Variants in AP3S2 observed in about 807,000 individuals in gnomAD.
The protein encoded by AP3S2 is AP-3 complex subunit sigma-2.
AP3S2 carries 22 observed loss-of-function variants against 23.4 expected under a neutral mutation model. The observed-to-expected ratio is 0.94, with a 90% CI of 0.67 to 1.34. The LOEUF is 1.34. Ranked by LOEUF, AP3S2 falls within the 40% of genes most tolerant of loss-of-function variation. AP3S2 has a pLI of 0.00. For missense variants in AP3S2, 241 were observed against 236.9 expected (o/e 1.02, Z -0.11); for synonymous variants, 86 against 87.1 (o/e 0.99, Z 0.07).
At chr15:89,847,095 G>A (rs1037878024) in intron 4 of AP3S2, among the ~76,000 whole-genome samples, 8 of 152,032 alleles carry the variant, frequency 5.3e-5, no homozygotes, top group African/African-American at 1.9e-4. Flanking sequence ...AGTAGATTAA[G>A]ACCAGGCATA....
chr15:89,882,490 C>T (rs567884163), intron 3 of AP3S2, among the ~76,000 whole-genome samples: 22 of 151,842 alleles, frequency 1.4e-4, no homozygotes, highest in African/African-American at 4.8e-4. Context: ...TGAGTAGCTA[C>T]GATTACAGGC....
At chr15:89,866,347 G>A (rs1896120447) in intron 4 of AP3S2, among the ~76,000 whole-genome samples, 1 of 151,758 alleles carries the variant, frequency 6.6e-6, no homozygotes, top group Non-Finnish European at 1.5e-5. Context: ...GGGTTGGGAG[G>A]CTACCCCTTC....
intron 4 of AP3S2, among the ~76,000 whole-genome samples, chr15:89,858,520 AGAG>A (rs1895915952): frequency 6.1e-4 from 28 of 46,058 alleles, no homozygotes; most frequent in African/African-American, 7.9e-4. Context: ...AGAGAGAGAG[AGAG>A]AGAAAGAAAG....
intron 4 of AP3S2, among the ~76,000 whole-genome samples, chr15:89,849,430 G>T (rs541332290): frequency 1.9e-4 from 29 of 151,868 alleles, no homozygotes; most frequent in Admixed American, 1.4e-3. Flanking sequence ...GCAGTGGCAC[G>T]ATCTAGGCTT....
In AP3S2 at chr15:89,862,485, G is replaced by A. The variant is rs77105016; in HGVS notation, c.345+8990C>T. On this transcript the variant is annotated intron_variant, in intron 4 of 5. Coordinates refer to ENST00000336418, the MANE Select transcript of AP3S2 (RefSeq NM_005829.5). Reference sequence around the variant, plus strand: ...ATGTCTGCAACTAATTCTCAAAATCGTTCAGGAAAAAAAGTATATATGTAT... The same window carrying A: ...ATGTCTGCAACTAATTCTCAAAATCATTCAGGAAAAAAAGTATATATGTAT... Among the ~76,000 whole-genome samples the A allele has an allele frequency of 7.6e-3, 1,163 of 152,132 alleles. 20 individuals carry two copies. The East Asian group carries it at 0.086, about 11-fold the overall frequency.
chr15:89,853,460 CT>C (rs1285324838), intron 4 of AP3S2, among the ~76,000 whole-genome samples: 1 of 152,150 alleles, frequency 6.6e-6, no homozygotes, highest in Non-Finnish European at 1.5e-5. Context: ...TAAGAAAAAT[CT>C]TGATTTGAGA....
rs868525369 is a variant in AP3S2 at position 89,846,613 on chromosome 15, G to A, written c.346-8891C>T. ...GCGATCTCGGCTCACTGCAACATCCGCCTCCCGGGTTCAAGCAATTCTCCT... is the reference window on the plus strand; with the variant it reads ...GCGATCTCGGCTCACTGCAACATCCACCTCCCGGGTTCAAGCAATTCTCCT... On this transcript the variant is annotated intron_variant, in intron 4 of 5. Coordinates refer to ENST00000336418, the MANE Select transcript of AP3S2 (RefSeq NM_005829.5). Among the ~76,000 whole-genome samples the A allele has an allele frequency of 3.0e-4, 46 of 151,632 alleles. 1 individual carries two copies. Among genetic ancestry groups the A allele is most frequent in the African/African-American group, 9.2e-4 (38 of 41,290 alleles).
rs1895160525 is a variant in AP3S2 at position 89,835,261 on chromosome 15, G to A, written c.*254C>T. On this transcript the variant is annotated 3_prime_UTR_variant, in exon 6 of 6. Coordinates refer to ENST00000336418, the MANE Select transcript of AP3S2 (RefSeq NM_005829.5). ...TGTTGACTCCCTACTGAGGAAGGCA[G>A]GGCCCCTCACATCTGCAGTGGCCGT... 3.6e-6 allele frequency: 2 copies of A among 555,368 alleles called. No individual in the cohort carries two copies. The highest frequency in any genetic ancestry group is 3.0e-5 in the East Asian group (1 of 33,002). 34.4% of individuals were successfully genotyped at this position (555,368 alleles called of 1,614,324 possible). A position where few individuals can be genotyped will look rare whatever the true frequency, so the allele number is the denominator to read the frequency against.
intron 4 of AP3S2, among the ~76,000 whole-genome samples, chr15:89,867,624 C>G (rs9717573): frequency 7.6e-6 from 1 of 131,852 alleles, no homozygotes; most frequent in Non-Finnish European, 1.6e-5. Flanking sequence ...TCTGCCCGGC[C>G]GCCCATCGTC....
Position 89,869,057 on chromosome 15 carries a change from C to G in AP3S2, c.345+2418G>C, listed in dbSNP as rs1368045253. Among the ~76,000 whole-genome samples the G allele has an allele frequency of 6.6e-5, 10 of 152,044 alleles. No individual in the cohort carries two copies. In the East Asian group the frequency reaches 9.8e-4, roughly 15 times the overall value. ...GAGCCCCTCTGCCCGGCCACCACCC[C>G]GTCTGGGAGGTGTGCCCAACAGCTC... On this transcript the variant is annotated intron_variant, in intron 4 of 5. Transcript: ENST00000336418.
Position 89,835,591 on chromosome 15 carries a change from T to G in AP3S2, c.506A>C (p.Asn169Thr). 6.2e-7 allele frequency: 1 copy of G among 1,612,760 alleles called. No homozygotes were observed. Among genetic ancestry groups the G allele is most frequent in the South Asian group, 1.1e-5 (1 of 91,032 alleles). ...ARAVSAVKNI[N>T]LPEIPRNINI... Reference sequence around the variant, plus strand: ...GATGTTCCGAGGAATCTCTGGCAGGTTGATGTTTTTCACAGCAGACACAGC... The same window carrying G: ...GATGTTCCGAGGAATCTCTGGCAGGGTGATGTTTTTCACAGCAGACACAGC... Residue 169 changes from asparagine to threonine, a missense_variant, in exon 6 of 6, where the codon AAC becomes ACC. Coordinates refer to ENST00000336418, the MANE Select transcript of AP3S2 (RefSeq NM_005829.5).
chr15:89,867,174 C>T (rs906314314), intron 4 of AP3S2, among the ~76,000 whole-genome samples: 4 of 149,592 alleles, frequency 2.7e-5, no homozygotes, highest in African/African-American at 9.8e-5. Context: ...AGGCACGCGC[C>T]GCCACGCCTG....
At chr15:89,880,637 G>A (rs1475495089) in intron 3 of AP3S2, among the ~76,000 whole-genome samples, 8 of 147,214 alleles carry the variant, frequency 5.4e-5, no homozygotes, top group East Asian at 2.0e-4. Context: ...TTGCGCCACC[G>A]CACTCCAGCC....
intron 4 of AP3S2, among the ~76,000 whole-genome samples, chr15:89,859,286 T>C (rs557601462): frequency 1.3e-5 from 2 of 148,148 alleles, no homozygotes; most frequent in African/African-American, 5.2e-5. Context: ...TCTTTCCTTT[T>C]TTCTTTTCTT....
intron 5 of AP3S2, among the ~76,000 whole-genome samples, chr15:89,836,437 T>C (rs982490255): frequency 1.3e-5 from 2 of 152,206 alleles, no homozygotes; most frequent in African/African-American, 4.8e-5. Flanking sequence ...GTCACAGCTC[T>C]AGGGCAACTG....
intron 4 of AP3S2, among the ~76,000 whole-genome samples, chr15:89,863,341 T>C (rs1177501877): frequency 6.6e-6 from 1 of 152,014 alleles, no homozygotes; most frequent in Non-Finnish European, 1.5e-5. Flanking sequence ...CTACAGTTAG[T>C]GGGGCAGTAG....
intron 3 of AP3S2, among the ~76,000 whole-genome samples, chr15:89,873,967 G>C (rs1896381659): frequency 7.2e-6 from 1 of 139,818 alleles, no homozygotes; most frequent in African/African-American, 2.7e-5. Flanking sequence ...TGCAGCCTCA[G>C]CCTCCCGGGT....
At chr15:89,838,028 C>T in intron 4 of AP3S2, 1 of 303,030 alleles carries the variant, frequency 3.3e-6, no homozygotes, top group South Asian at 3.5e-5. Context: ...GGGCAAATGA[C>T]CTTTAAAGTG....
At chr15:89,841,152 C>T (rs79845138) in intron 4 of AP3S2, among the ~76,000 whole-genome samples, 79 of 152,220 alleles carry the variant, frequency 5.2e-4, no homozygotes, top group African/African-American at 1.7e-3. Flanking sequence ...CACATGATGT[C>T]GTGGAGACTA....
Sources: gnomAD v4.1 joint callset for allele counts (sites outside exome capture counted in the v4.1 genomes callset) on GRCh38, gnomAD v4.1.1 for gene constraint, MANE v1.5 for transcripts, NCBI Gene and HGNC (gene_info 2026-07-23, HGNC 2026-07-21) for gene names.